Variants in TET2 observed in about 807,000 individuals in gnomAD.
The protein encoded by TET2 is tet methylcytosine dioxygenase 2, also known as methylcytosine dioxygenase TET2.
TET2 carries 299 observed loss-of-function variants against 142.9 expected under a neutral mutation model. The observed-to-expected ratio is 2.09, with a 90% CI of 1.90 to 2.30. The LOEUF is 2.30. Among genes scored for constraint, TET2 ranks in the 30% most tolerant of loss-of-function variants. TET2 has a pLI of 0.00. For missense variants in TET2, 2,418 were observed against 2,378.0 expected (o/e 1.02, Z -0.35); for synonymous variants, 819 against 849.0 (o/e 0.96, Z 0.61).
chr4:105,207,580 T>A (rs1373727699), intron 2 of TET2, among the ~76,000 whole-genome samples: 3 of 152,040 alleles, frequency 2.0e-5, no homozygotes, highest in African/African-American at 7.2e-5. Flanking sequence ...TAAAAGGAAC[T>A]GGAAAGACTG....
chr4:105,265,348 C>G (rs190780413), intron 8 of TET2, among the ~76,000 whole-genome samples: 218 of 152,300 alleles, frequency 1.4e-3, no homozygotes, highest in African/African-American at 4.4e-3. Flanking sequence ...AACAGCACAA[C>G]CTTAGACCAT....
At chr4:105,229,589 G>A (rs1418951772) in intron 2 of TET2, among the ~76,000 whole-genome samples, 3 of 151,804 alleles carry the variant, frequency 2.0e-5, no homozygotes, top group Non-Finnish European at 4.4e-5. Flanking sequence ...GACTACAGGC[G>A]TGAGCCACCG....
chr4:105,219,162 G>C (rs975515078), intron 2 of TET2, among the ~76,000 whole-genome samples: 2 of 152,088 alleles, frequency 1.3e-5, no homozygotes, highest in African/African-American at 4.8e-5. Context: ...GCTCATGGAT[G>C]TGCAGTTGGT....
At chr4:105,186,368 T>G (rs955245218) in intron 1 of TET2, among the ~76,000 whole-genome samples, 2 of 152,048 alleles carry the variant, frequency 1.3e-5, no homozygotes, top group African/African-American at 2.4e-5. Flanking sequence ...GCACTACCCT[T>G]CATATGTTTG....
intron 8 of TET2, among the ~76,000 whole-genome samples, chr4:105,262,487 TCAA>T (rs1359700620): frequency 2.6e-5 from 4 of 152,232 alleles, no homozygotes; most frequent in African/African-American, 7.2e-5. Context: ...TTCAGTAACA[TCAA>T]CAACAAAAGC....
rs1381124612 is a variant in TET2, at chr4:105,275,530, C to T, written c.5020C>T (p.Pro1674Ser). ...QDPLSKLSLP[P>S]IHTLYQPRFG... Reference sequence around the variant, plus strand: ...CCCTCTGTCTAAGCTCAGTCTACCACCCATCCATACACTTTACCAGCCAAG... The same window carrying T: ...CCCTCTGTCTAAGCTCAGTCTACCATCCATCCATACACTTTACCAGCCAAG... The change falls in exon 11 of 11, where the codon CCC (proline) becomes TCC (serine). Residue 1674 changes from proline (P) to serine (S), a missense_variant. Transcript: ENST00000380013. The T allele has an allele frequency of 1.2e-5, 18 of 1,551,584 alleles. No homozygotes were observed. The highest frequency in any genetic ancestry group is 1.6e-5 in the Non-Finnish European group (18 of 1,146,980).
chr4:105,262,390 T>C (rs1191810141), intron 8 of TET2, among the ~76,000 whole-genome samples: 1 of 152,132 alleles, frequency 6.6e-6, no homozygotes, highest in Non-Finnish European at 1.5e-5. Flanking sequence ...TTTACATGTG[T>C]ATTCTAAACT....
intron 2 of TET2, among the ~76,000 whole-genome samples, chr4:105,192,877 A>T (rs1284866988): frequency 6.6e-6 from 1 of 152,164 alleles, no homozygotes; most frequent in Non-Finnish European, 1.5e-5. Flanking sequence ...AGGCAGCTTC[A>T]AGAGAAGATT....
chr4:105,233,383 C>CAAAAAAAAAAAAAAAAAAAAA lies in TET2; in HGVS notation c.-46-496_-46-495insAAAAAAAAAAAAAAAAAAAAA, dbSNP rs34890297. 1.4e-4 allele frequency among the ~76,000 whole-genome samples: 11 copies of CAAAAAAAAAAAAAAAAAAAAA among 76,142 alleles called. 1 individual carries two copies. Among genetic ancestry groups the CAAAAAAAAAAAAAAAAAAAAA allele is most frequent in the South Asian group, 5.9e-4 (1 of 1,696 alleles). 50.0% of individuals were successfully genotyped at this position (76,142 alleles called of 152,430 possible). A position where few individuals can be genotyped will look rare whatever the true frequency, so the allele number is the denominator to read the frequency against. ...TGGGCAAGAGAGTGAGACTCCATCT[C>CAAAAAAAAAAAAAAAAAAAAA]AAAAAAAAAAAAAAAAAAGCTACTG... On this transcript the variant is annotated intron_variant, in intron 2 of 10. Coordinates refer to ENST00000380013, the MANE Select transcript of TET2 (RefSeq NM_001127208.3).
intron 2 of TET2, among the ~76,000 whole-genome samples, chr4:105,223,180 C>T (rs979102450): frequency 6.6e-6 from 1 of 152,054 alleles, no homozygotes; most frequent in African/African-American, 2.4e-5. Flanking sequence ...AAAGTTCTTA[C>T]AGAATGAGAA....
rs910687661 is a variant in TET2 at position 105,185,528 on chromosome 4, C to A, written c.-192-4832C>A. Among the ~76,000 whole-genome samples the A allele has an allele frequency of 2.6e-5, 4 of 152,178 alleles. 1 individual carries two copies. Among genetic ancestry groups the A allele is most frequent in the Admixed American group, 2.0e-4 (3 of 15,280 alleles). ...AGGCGCAGTGGCTCATGCCTGTAAT[C>A]CCAGCACTTTCGGAGGCCGAGGTAT... On this transcript the variant is annotated intron_variant, in intron 1 of 10. Coordinates refer to ENST00000380013, the MANE Select transcript of TET2 (RefSeq NM_001127208.3).
intron 2 of TET2, among the ~76,000 whole-genome samples, chr4:105,212,260 G>A (rs775077042): frequency 1.3e-5 from 2 of 152,096 alleles, no homozygotes; most frequent in African/African-American, 2.4e-5. Context: ...TCTTCTTAAT[G>A]TTCTGCTTTG....
chr4:105,177,520 A>T (rs1304320372), intron 1 of TET2: 4 of 152,274 alleles, frequency 2.6e-5, no homozygotes. Context: ...AAGAAAGCAT[A>T]GGAAAAGATG....
intron 1 of TET2, among the ~76,000 whole-genome samples, chr4:105,182,576 A>G (rs1314750234): frequency 2.6e-5 from 4 of 152,264 alleles, no homozygotes; most frequent in Admixed American, 2.0e-4. Context: ...CAAACCAGGT[A>G]AACATAACTG....
chr4:105,175,706 A>G (rs1231236884), intron 1 of TET2, among the ~76,000 whole-genome samples: 1 of 152,126 alleles, frequency 6.6e-6, no homozygotes, highest in Non-Finnish European at 1.5e-5. Flanking sequence ...ACACCAAACT[A>G]CTTCTCCAGA....
intron 9 of TET2, among the ~76,000 whole-genome samples, chr4:105,271,950 A>G (rs1166184995): frequency 6.6e-6 from 1 of 152,234 alleles, no homozygotes; most frequent in Non-Finnish European, 1.5e-5. Context: ...AAAGGAGGAG[A>G]GACAAGAGAG....
intron 2 of TET2, among the ~76,000 whole-genome samples, chr4:105,208,780 T>G (rs1726974125): frequency 6.6e-6 from 1 of 151,854 alleles, no homozygotes; most frequent in Admixed American, 6.6e-5. Context: ...GTCTTCCTGC[T>G]TTTTGACGTG....
At chr4:105,253,421 G>C (rs1729967923) in intron 6 of TET2, among the ~76,000 whole-genome samples, 1 of 151,958 alleles carries the variant, frequency 6.6e-6, no homozygotes, top group Admixed American at 6.6e-5. Flanking sequence ...ATTTGGGGGG[G>C]TGCTAATGGT....
In TET2 at chr4:105,241,557, C is replaced by A. The variant is rs1038366313; in HGVS notation, c.3500+128C>A. 6 of 1,449,696 alleles carry A rather than the reference C, an allele frequency of 4.1e-6. No individual in the cohort carries two copies. In the African/African-American group the frequency reaches 8.6e-5, roughly 21 times the overall value. 89.8% of individuals were successfully genotyped at this position (1,449,696 alleles called of 1,614,324 possible). On this transcript the variant is annotated intron_variant, in intron 4 of 10. Transcript: ENST00000380013. ...GTAATTATTAGTAGGCTTAGCTATT[C>A]TAGGGTTGCCAACACTACACACTGT...
Sources: allele counts gnomAD v4.1 joint callset (sites outside exome capture counted in the v4.1 genomes callset), GRCh38; gene constraint gnomAD v4.1.1; transcripts MANE v1.5; gene names NCBI Gene and HGNC (gene_info 2026-07-23, HGNC 2026-07-21).